AGPAT4: variants seen among roughly 807,000 people sequenced by gnomAD.
AGPAT4 encodes 1-acylglycerol-3-phosphate O-acyltransferase 4, also known as 1-acyl-sn-glycerol-3-phosphate acyltransferase delta.
In AGPAT4, 15 loss-of-function variants were observed where a neutral mutation model predicts 48.0. That is an observed-to-expected ratio of 0.31 (90% CI 0.21 to 0.48). The LOEUF is 0.48. AGPAT4 is among the 20% of genes least tolerant of loss of function. AGPAT4 has a pLI of 0.99. For synonymous variants in AGPAT4, 178 were observed against 198.7 expected (o/e 0.90, Z 0.88); for missense variants, 314 against 482.5 (o/e 0.65, Z 3.27).
chr6:161,229,150 A>T lies in AGPAT4; in HGVS notation c.178+2886T>A, dbSNP rs889992399. On this transcript the variant is annotated intron_variant, in intron 2 of 8. Transcript: ENST00000320285. This position sits in a 1 kb window ranked among gnomAD's most constrained non-coding sequence, Gnocchi z 6.0. ...CCAAGCTCTTAACAAATATTTAATG[A>T]GAAAAGAGACAAAGCCATAGCTCTG... 2.0e-5 allele frequency among the ~76,000 whole-genome samples: 3 copies of T among 152,132 alleles called. No homozygotes were observed. The highest frequency in any genetic ancestry group is 4.4e-5 in the Non-Finnish European group (3 of 68,022).
intron 2 of AGPAT4, among the ~76,000 whole-genome samples, chr6:161,187,248 A>G (rs1005337201): frequency 7.2e-5 from 11 of 152,104 alleles, no homozygotes; most frequent in African/African-American, 2.7e-4. Flanking sequence ...CTCACCTTCT[A>G]TTCACAGGCA....
At position 161,220,729 on chromosome 6, in the gene AGPAT4, T is replaced by G. The variant is rs1490670661; in HGVS notation, c.178+11307A>C. The stretch of plus-strand genomic sequence containing the variant: ...TTCATTCTATCTTTCCTACGCAGAC[T>G]GCCCCATTGGTTGTGCAAAGCCATT... On this transcript the variant is annotated intron_variant, in intron 2 of 8. Transcript: ENST00000320285. The surrounding 1 kb of genome is among the most constrained non-coding windows in gnomAD (Gnocchi z 6.0). 6.6e-6 allele frequency among the ~76,000 whole-genome samples: 1 copy of G among 151,660 alleles called. No individual in the cohort carries two copies. The highest frequency in any genetic ancestry group is 1.5e-5 in the Non-Finnish European group (1 of 67,722).
chr6:161,173,496 A>AT (rs574204079), intron 2 of AGPAT4, among the ~76,000 whole-genome samples: 1,561 of 151,804 alleles, frequency 0.01, 20 homozygotes, highest in African/African-American at 0.036. Context: ...GGGTTGTTTG[A>AT]TTTTTTCTTG....
At chr6:161,174,278 G>A (rs1490278470) in intron 2 of AGPAT4, among the ~76,000 whole-genome samples, 2 of 152,146 alleles carry the variant, frequency 1.3e-5, no homozygotes, top group Non-Finnish European at 2.9e-5. Flanking sequence ...CTATCCATGA[G>A]CATGGAATGT....
intron 2 of AGPAT4, among the ~76,000 whole-genome samples, chr6:161,176,386 T>C (rs1364655700): frequency 6.6e-6 from 1 of 151,870 alleles, no homozygotes; most frequent in Non-Finnish European, 1.5e-5. Context: ...TTCACCATTA[T>C]GTAATGGCCT....
chr6:161,193,402 C>T (rs749995751), intron 2 of AGPAT4, among the ~76,000 whole-genome samples: 7 of 152,228 alleles, frequency 4.6e-5, no homozygotes, highest in Non-Finnish European at 8.8e-5. Flanking sequence ...GTGCCACATG[C>T]TCAGTCCAAG....
chr6:161,185,578 T>C (rs1313714577), intron 2 of AGPAT4, among the ~76,000 whole-genome samples: 1 of 152,250 alleles, frequency 6.6e-6, no homozygotes, highest in Non-Finnish European at 1.5e-5. Flanking sequence ...GCCAGTAGGA[T>C]GAAATATTTA....
In AGPAT4 at chr6:161,154,386, G is replaced by A; in HGVS notation, c.349-76C>T. ...CCTGCCGGGGCTGTTGGAGACTGAA[G>A]TAGAAAAAGAGGAGGGGACGTTCAC... is the stretch of plus-strand genomic sequence containing the variant. On this transcript the variant is annotated intron_variant, in intron 3 of 8. Transcript: ENST00000320285. The surrounding 1 kb of genome is among the most constrained non-coding windows in gnomAD (Gnocchi z 7.8). 6.4e-7 allele frequency: 1 copy of A among 1,568,018 alleles called. No homozygotes were observed. Among genetic ancestry groups the A allele is most frequent in the Admixed American group, 1.8e-5 (1 of 56,044 alleles).
Position 161,134,402 on chromosome 6 carries a change from A to G in AGPAT4, c.*2138T>C, listed in dbSNP as rs1235263533. On this transcript the variant is annotated 3_prime_UTR_variant, in exon 9 of 9. Transcript: ENST00000320285. ...GTTGAATGGAAGAATGAAAATGAGA[A>G]AAATAACACATTTTTAGTACGACAA... 2 of 152,196 alleles carry G rather than the reference A, an allele frequency of 1.3e-5. No homozygotes were observed. Among genetic ancestry groups the G allele is most frequent in the Non-Finnish European group, 1.5e-5 (1 of 68,026 alleles). 9.4% of individuals were successfully genotyped at this position (152,196 alleles called of 1,614,324 possible).
chr6:161,177,199 G>C lies in AGPAT4; in HGVS notation c.179-10782C>G, dbSNP rs1220290609. The stretch of plus-strand genomic sequence containing the variant: ...TTTGAATGTTGGCCTGCCTTGATAG[G>C]TTGGGGAAGTTATCCTGGATAATAT... On this transcript the variant is annotated intron_variant, in intron 2 of 8. Coordinates refer to ENST00000320285, the MANE Select transcript of AGPAT4 (RefSeq NM_020133.3). The surrounding 1 kb of genome is among the most constrained non-coding windows in gnomAD (Gnocchi z 5.0). Among the ~76,000 whole-genome samples, 2 of 152,190 alleles carry C rather than the reference G, an allele frequency of 1.3e-5. No individual in the cohort carries two copies. Among genetic ancestry groups the C allele is most frequent in the African/African-American group, 4.8e-5 (2 of 41,450 alleles).
At position 161,217,531 on chromosome 6, in the gene AGPAT4, T is replaced by C. The variant is rs1273965666; in HGVS notation, c.178+14505A>G. Among the ~76,000 whole-genome samples, 1 of 152,218 alleles carries C rather than the reference T, an allele frequency of 6.6e-6. No homozygotes were observed. The highest frequency in any genetic ancestry group is 2.1e-4 in the South Asian group (1 of 4,832). On this transcript the variant is annotated intron_variant, in intron 2 of 8. Coordinates refer to ENST00000320285, the MANE Select transcript of AGPAT4 (RefSeq NM_020133.3). The surrounding 1 kb of genome is among the most constrained non-coding windows in gnomAD (Gnocchi z 4.9). ...CCATCAGGTGCATGGTAATCCAGTA[T>C]GAAGGCATTGGCGTTATGCCTGCAT...
chr6:161,196,224 C>G lies in AGPAT4; in HGVS notation c.179-29807G>C, dbSNP rs1781061774. On this transcript the variant is annotated intron_variant, in intron 2 of 8. Transcript: ENST00000320285. This position sits in a 1 kb window ranked among gnomAD's most constrained non-coding sequence, Gnocchi z 4.3. ...TGAGTGGTGACACTTTACCAAAGAA[C>G]AGCAATGTTAAGAAAAAGCCAGGAA... 6.6e-6 allele frequency among the ~76,000 whole-genome samples: 1 copy of G among 152,048 alleles called. No individual in the cohort carries two copies. Among genetic ancestry groups the G allele is most frequent in the Non-Finnish European group, 1.5e-5 (1 of 68,006 alleles).
intron 1 of AGPAT4, among the ~76,000 whole-genome samples, chr6:161,263,427 G>T (rs1261645198): frequency 6.6e-6 from 1 of 152,130 alleles, no homozygotes; most frequent in Non-Finnish European, 1.5e-5. Context: ...GGAGGCAGAA[G>T]TTGCAGTGAG....
In AGPAT4 at chr6:161,196,959, G is replaced by C. The variant is rs1781086856; in HGVS notation, c.179-30542C>G. ...GTGCCCGGAACTGCTCCAGGCACTG[G>C]GGAAGTCAGCTGTGAACAAGAGGCA... On this transcript the variant is annotated intron_variant, in intron 2 of 8. Coordinates refer to ENST00000320285, the MANE Select transcript of AGPAT4 (RefSeq NM_020133.3). This position sits in a 1 kb window ranked among gnomAD's most constrained non-coding sequence, Gnocchi z 4.3. Among the ~76,000 whole-genome samples, 1 of 152,104 alleles carries C rather than the reference G, an allele frequency of 6.6e-6. No individual in the cohort carries two copies. The highest frequency in any genetic ancestry group is 2.4e-5 in the African/African-American group (1 of 41,414).
chr6:161,203,047 A>G (rs968465966), intron 2 of AGPAT4, among the ~76,000 whole-genome samples: 1 of 152,216 alleles, frequency 6.6e-6, no homozygotes, highest in Admixed American at 6.5e-5. Flanking sequence ...CCTAGCTGTT[A>G]CCACTGGGCT....
At chr6:161,167,091 C>A (rs1780121782) in intron 2 of AGPAT4, among the ~76,000 whole-genome samples, 1 of 152,228 alleles carries the variant, frequency 6.6e-6, no homozygotes, top group South Asian at 2.1e-4. Flanking sequence ...CCCAATCTGG[C>A]AGGCTCAGGA....
In AGPAT4 at chr6:161,138,711, G is replaced by A. The variant is rs529647732; in HGVS notation, c.1042+711C>T. On this transcript the variant is annotated intron_variant, in intron 8 of 8. Transcript: ENST00000320285. This position sits in a 1 kb window ranked among gnomAD's most constrained non-coding sequence, Gnocchi z 4.8. The stretch of plus-strand genomic sequence containing the variant: ...GCTTGGACAATGTGCCGTCTCTCCC[G>A]GGCTCTCCAAAGCCTCAGAGGACGC... Among the ~76,000 whole-genome samples the A allele has an allele frequency of 1.3e-5, 2 of 152,170 alleles. No individual in the cohort carries two copies. Among genetic ancestry groups the A allele is most frequent in the South Asian group, 4.2e-4 (2 of 4,794 alleles).
intron 2 of AGPAT4, among the ~76,000 whole-genome samples, chr6:161,190,302 G>A (rs1205001932): frequency 1.3e-5 from 2 of 152,194 alleles, no homozygotes; most frequent in Non-Finnish European, 2.9e-5. Flanking sequence ...GAGTGAGCAA[G>A]TGAGAGAGAG....
intron 2 of AGPAT4, among the ~76,000 whole-genome samples, chr6:161,193,428 C>T (rs1238725713): frequency 1.3e-5 from 2 of 152,202 alleles, no homozygotes; most frequent in South Asian, 2.1e-4. Flanking sequence ...CTGAAGCTAA[C>T]ATCATGGTTG....
Sources: gnomAD v4.1 joint callset for allele counts (sites outside exome capture counted in the v4.1 genomes callset) on GRCh38, gnomAD v4.1.1 for gene constraint, Gnocchi (gnomAD v3.1) non-coding constraint, MANE v1.5 for transcripts, NCBI Gene and HGNC (gene_info 2026-07-23, HGNC 2026-07-21) for gene names.